LRMDA: variants seen among roughly 807,000 people sequenced by gnomAD.
LRMDA encodes leucine-rich melanocyte differentiation-associated protein.
A neutral mutation model predicts 29.8 loss-of-function variants in LRMDA; 18 were observed. That is an observed-to-expected ratio of 0.60 (90% confidence interval 0.42 to 0.90). The LOEUF (loss-of-function observed/expected upper bound fraction) is 0.90, where lower values mean the gene tolerates loss of function less well. LRMDA is among the 40% of genes least tolerant of loss of function. The pLI is 0.00. For missense variants in LRMDA, 273 were observed against 273.9 expected, an observed-to-expected ratio of 1.00 and a Z score of 0.02; for synonymous variants, 125 against 109.4, an observed-to-expected ratio of 1.14 and a Z score of -0.89.
rs894463177 is a variant in LRMDA at position 76,165,815 on chromosome 10, C to A, written c.516+107032C>A. Among the ~76,000 whole-genome samples the A allele has an allele frequency of 4.6e-5, 7 of 152,260 alleles. No homozygotes were observed. In the East Asian group the frequency reaches 5.8e-4, roughly 13 times the overall value. On this transcript the variant is annotated intron_variant, in intron 5 of 6. Coordinates refer to ENST00000611255, the MANE Select transcript of LRMDA (RefSeq NM_001305581.2). Reference sequence around the variant, plus strand: ...TAATTATCTCTTACCAAGTCCCCCCCACAACACGTGTGGATAGTGGGAGCT... The same window carrying A: ...TAATTATCTCTTACCAAGTCCCCCCAACAACACGTGTGGATAGTGGGAGCT...
At chr10:76,315,409 C>T (rs1020292519) in intron 5 of LRMDA, among the ~76,000 whole-genome samples, 7 of 152,230 alleles carry the variant, frequency 4.6e-5, no homozygotes, top group Admixed American at 2.0e-4. Context: ...GCCCCTGCCC[C>T]AGCGGGCTTG....
chr10:76,165,832 G>A (rs1322925848), intron 5 of LRMDA, among the ~76,000 whole-genome samples: 1 of 152,062 alleles, frequency 6.6e-6, no homozygotes, highest in Non-Finnish European at 1.5e-5. Context: ...CGTGTGGATA[G>A]TGGGAGCTAC....
At chr10:76,230,513 TAAAAC>T (rs1852038183) in intron 5 of LRMDA, among the ~76,000 whole-genome samples, 1 of 142,190 alleles carries the variant, frequency 7.0e-6, no homozygotes, top group African/African-American at 2.6e-5. Flanking sequence ...AAATATCAAT[TAAAAC>T]AACTAGCATG....
intron 6 of LRMDA, among the ~76,000 whole-genome samples, chr10:76,439,998 T>C (rs1842284462): frequency 2.0e-5 from 3 of 152,144 alleles, no homozygotes; most frequent in Admixed American, 1.3e-4. Flanking sequence ...ATTCCCAAGG[T>C]TGGGAGTAAA....
At chr10:75,595,685 A>G (rs1413059311) in intron 2 of LRMDA, among the ~76,000 whole-genome samples, 3 of 151,290 alleles carry the variant, frequency 2.0e-5, no homozygotes, top group African/African-American at 7.3e-5. Context: ...GATAATTTAA[A>G]AGCAAATTAT....
At chr10:75,847,211 G>GATACAAT (rs1844653772) in intron 2 of LRMDA, among the ~76,000 whole-genome samples, 1 of 152,084 alleles carries the variant, frequency 6.6e-6, no homozygotes, top group African/African-American at 2.4e-5. Context: ...TTGTGTGTAT[G>GATACAAT]GTCAAATGAT....
At chr10:75,483,185 A>G (rs1246684140) in intron 2 of LRMDA, among the ~76,000 whole-genome samples, 1 of 152,030 alleles carries the variant, frequency 6.6e-6, no homozygotes, top group Non-Finnish European at 1.5e-5. Flanking sequence ...GAGCTCAGGC[A>G]ATCCACCCGC....
chr10:75,692,220 AT>A (rs59451231), intron 2 of LRMDA, among the ~76,000 whole-genome samples: 13,294 of 61,008 alleles, frequency 0.22, 811 homozygotes, highest in East Asian at 0.37. Context: ...AAAAAAAAAA[AT>A]ATATATATAT....
chr10:75,698,530 A>G (rs1225947729), intron 2 of LRMDA, among the ~76,000 whole-genome samples: 1 of 152,210 alleles, frequency 6.6e-6, no homozygotes, highest in Admixed American at 6.5e-5. Context: ...GCAGGTGTCT[A>G]GCACATAAAC....
chr10:76,299,606 T>TC (rs985995696), intron 5 of LRMDA, among the ~76,000 whole-genome samples: 110 of 148,428 alleles, frequency 7.4e-4, no homozygotes, highest in Non-Finnish European at 2.5e-4. Flanking sequence ...TTCCTTTCTT[T>TC]TTTTTTTTTT....
chr10:76,327,137 G>C (rs901046791), intron 6 of LRMDA, among the ~76,000 whole-genome samples: 1 of 147,678 alleles, frequency 6.8e-6, no homozygotes, highest in South Asian at 2.1e-4. Flanking sequence ...TGTCACCCAG[G>C]CTGGAGTGCA....
chr10:75,534,332 G>A (rs1008883200), intron 2 of LRMDA, among the ~76,000 whole-genome samples: 1 of 152,140 alleles, frequency 6.6e-6, no homozygotes, highest in African/African-American at 2.4e-5. Flanking sequence ...GGTCCTCCTG[G>A]GACTTGCTGT....
chr10:75,800,438 C>CT (rs56269028), intron 2 of LRMDA, among the ~76,000 whole-genome samples: 58,070 of 145,586 alleles, frequency 0.4, 12,854 homozygotes, highest in South Asian at 0.53. Flanking sequence ...TAATCTTTTT[C>CT]TTTTTTTTTT....
intron 2 of LRMDA, among the ~76,000 whole-genome samples, chr10:75,893,856 C>G (rs997689547): frequency 6.6e-6 from 1 of 151,196 alleles, no homozygotes; most frequent in Non-Finnish European, 1.5e-5. Context: ...TTGCTTGAAC[C>G]TAGGAGGTGG....
chr10:76,104,240 C>G (rs1029671829), intron 5 of LRMDA, among the ~76,000 whole-genome samples: 2 of 152,098 alleles, frequency 1.3e-5, no homozygotes, highest in African/African-American at 2.4e-5. Flanking sequence ...TGCAGACTCT[C>G]CAGGGACGGC....
intron 5 of LRMDA, among the ~76,000 whole-genome samples, chr10:76,139,976 G>A (rs1264703813): frequency 6.6e-6 from 1 of 151,950 alleles, no homozygotes; most frequent in Non-Finnish European, 1.5e-5. Context: ...TGGAAAGTGG[G>A]GTGACTGAAA....
At chr10:75,471,069 C>A (rs945313574) in intron 2 of LRMDA, among the ~76,000 whole-genome samples, 3 of 152,094 alleles carry the variant, frequency 2.0e-5, no homozygotes, top group African/African-American at 7.2e-5. Context: ...AAGCCAGATT[C>A]CAGAGAGGAG....
chr10:76,555,254 A>G (rs1280589961), intron 6 of LRMDA, among the ~76,000 whole-genome samples: 1 of 152,186 alleles, frequency 6.6e-6, no homozygotes, highest in Non-Finnish European at 1.5e-5. Context: ...AGCACGATAA[A>G]GGAAACAGCT....
At chr10:75,567,306 C>T (rs1032577025) in intron 2 of LRMDA, among the ~76,000 whole-genome samples, 1 of 152,162 alleles carries the variant, frequency 6.6e-6, no homozygotes, top group African/African-American at 2.4e-5. Flanking sequence ...TCCAATATTC[C>T]CTGCAAGTGC....
Sources: gnomAD v4.1 joint callset for allele counts (sites outside exome capture counted in the v4.1 genomes callset) on GRCh38, gnomAD v4.1.1 for gene constraint, MANE v1.5 for transcripts, NCBI Gene and HGNC (gene_info 2026-07-23, HGNC 2026-07-21) for gene names.